DNAH7: variants seen among roughly 807,000 people sequenced by gnomAD.
The protein encoded by DNAH7 is axonemal beta dynein heavy chain 7.
DNAH7 carries 397 observed loss-of-function variants against 444.6 expected under a neutral mutation model. The ratio of observed to expected loss-of-function variants is 0.89; its 90% CI spans 0.82 to 0.97. The LOEUF (loss-of-function observed/expected upper bound fraction) is 0.97. Ranked by LOEUF, DNAH7 falls within the 50% of genes least tolerant of loss-of-function variation. The probability of loss-of-function intolerance (pLI) is 0.00; values close to 1 mark genes in which losing one functional copy is unlikely to be tolerated. For synonymous variants in DNAH7, 1,636 were observed against 1,624.4 expected, an observed-to-expected ratio of 1.01 and a Z score of -0.17; for missense variants, 4,902 against 4,800.8, an observed-to-expected ratio of 1.02 and a Z score of -0.62.
intron 19 of DNAH7, among the ~76,000 whole-genome samples, chr2:195,937,864 C>T (rs749752574): frequency 2.0e-5 from 3 of 152,030 alleles, no homozygotes; most frequent in African/African-American, 2.4e-5. Flanking sequence ...AGATTTCAAT[C>T]GCCAAGTAGC....
chr2:195,784,492 T>C (rs141025089), intron 58 of DNAH7, among the ~76,000 whole-genome samples: 4 of 152,342 alleles, frequency 2.6e-5, no homozygotes, highest in Admixed American at 1.3e-4. Context: ...AGTTTATCCA[T>C]TCACCTACTA....
chr2:195,955,239 A>C (rs932855136), intron 19 of DNAH7, among the ~76,000 whole-genome samples: 1 of 152,224 alleles, frequency 6.6e-6, no homozygotes, highest in Admixed American at 6.5e-5. Flanking sequence ...AGCTTTCTAC[A>C]TATGGCTAGC....
At chr2:195,810,282 A>T (rs1406594960) in intron 51 of DNAH7, among the ~76,000 whole-genome samples, 1 of 152,210 alleles carries the variant, frequency 6.6e-6, no homozygotes, top group African/African-American at 2.4e-5. Flanking sequence ...TCTTTATTAA[A>T]TTTAGTATTG....
At chr2:195,962,151 A>G (rs1369596962) in intron 17 of DNAH7, among the ~76,000 whole-genome samples, 2 of 152,270 alleles carry the variant, frequency 1.3e-5, no homozygotes, top group African/African-American at 4.8e-5. Context: ...AGCTAAATAC[A>G]TGGGTTACGA....
Position 195,872,372 on chromosome 2 carries a change from G to C in DNAH7, c.6511C>G (p.Pro2171Ala), listed in dbSNP as rs761445160. Residue 2171 changes from proline (P) to alanine (A), a missense_variant, in exon 40 of 65, where the codon CCA becomes GCA. Pro to Ala is a conservative substitution (Grantham distance 27, BLOSUM62 -1). Transcript: ENST00000312428. Reference protein sequence around the residue: ...KEAMKNLLPTPAKSHYLFNLR... With the variant: ...KEAMKNLLPTAAKSHYLFNLR... ...TTGAACAAGTAGTGAGATTTAGCTG[G>C]AGTAGGCAAGAGATTCTTCATTGCT... 1.2e-6 allele frequency: 2 copies of C among 1,613,790 alleles called. No homozygotes were observed. The highest frequency in any genetic ancestry group is 1.7e-5 in the Admixed American group (1 of 60,004).
chr2:195,827,746 T>C (rs1574505365), intron 48 of DNAH7, among the ~76,000 whole-genome samples: 1 of 134,130 alleles, frequency 7.5e-6, no homozygotes, highest in Non-Finnish European at 1.6e-5. Context: ...GCTCAGCTAA[T>C]TTTTTTTTTT....
At chr2:195,779,180 C>T (rs969454824) in intron 58 of DNAH7, among the ~76,000 whole-genome samples, 12 of 152,160 alleles carry the variant, frequency 7.9e-5, no homozygotes, top group Non-Finnish European at 1.5e-5. Context: ...TCCTATATGA[C>T]TTCTTTTACA....
intron 60 of DNAH7, among the ~76,000 whole-genome samples, chr2:195,773,671 G>C (rs1355207558): frequency 6.6e-6 from 1 of 151,934 alleles, no homozygotes; most frequent in Non-Finnish European, 1.5e-5. Context: ...ATAGCATCTG[G>C]AATCTTCTAA....
chr2:196,013,099 A>G (rs545656937), intron 9 of DNAH7, among the ~76,000 whole-genome samples, 193 bp from the exon 10 acceptor site: 1 of 152,302 alleles, frequency 6.6e-6, no homozygotes, highest in South Asian at 2.1e-4. Flanking sequence ...ATTCAATAGG[A>G]ACACAACAAA....
chr2:195,818,136 G>T (rs756097855), intron 49 of DNAH7, among the ~76,000 whole-genome samples: 17 of 152,142 alleles, frequency 1.1e-4, no homozygotes, highest in Non-Finnish European at 2.2e-4. Context: ...ATTAGAATCA[G>T]GTTGGAAGCT....
At chr2:195,872,546 G>A (rs1700780757) in intron 39 of DNAH7, 77 bp from the exon 40 acceptor site, 2 of 894,794 alleles carry the variant, frequency 2.2e-6, no homozygotes, top group East Asian at 2.9e-5. Context: ...ATATTTAGCA[G>A]GACCAACATA....
intron 17 of DNAH7, among the ~76,000 whole-genome samples, chr2:195,968,000 C>T (rs986272142): frequency 4.6e-5 from 7 of 152,216 alleles, no homozygotes; most frequent in African/African-American, 7.2e-5. Flanking sequence ...CCACCACTGG[C>T]CCATGGGCAG....
At chr2:196,047,071 T>A (rs963806255) in intron 5 of DNAH7, among the ~76,000 whole-genome samples, 12 of 152,122 alleles carry the variant, frequency 7.9e-5, no homozygotes, top group African/African-American at 2.9e-4. Context: ...AAAAACCTGC[T>A]AGAATCCTCC....
rs1311663737 is a variant in DNAH7 at position 196,051,252 on chromosome 2, G to A, written c.79-3C>T. ...TTTTCTTTGCTGGCTAATTTCTCCT[G>A]TGTGAAAAATATGAAGGGGAAAAAA... On this transcript the variant is annotated splice_region_variant and splice_polypyrimidine_tract_variant and intron_variant, in intron 2 of 64. Coordinates refer to ENST00000312428, the MANE Select transcript of DNAH7 (RefSeq NM_018897.3). 6.2e-7 allele frequency: 1 copy of A among 1,613,284 alleles called. No individual in the cohort carries two copies. The highest frequency in any genetic ancestry group is 1.3e-5 in the African/African-American group (1 of 75,016).
chr2:196,007,961 C>A (rs1559329569), intron 10 of DNAH7, among the ~76,000 whole-genome samples: 1 of 152,038 alleles, frequency 6.6e-6, no homozygotes, highest in Non-Finnish European at 1.5e-5. Context: ...AATATTTGTG[C>A]TTCAAAGGAT....
chr2:195,766,718 T>C (rs1694603701), intron 61 of DNAH7, among the ~76,000 whole-genome samples: 1 of 152,168 alleles, frequency 6.6e-6, no homozygotes, highest in African/African-American at 2.4e-5. Flanking sequence ...AAAGGATCCA[T>C]GTTTGAGGTG....
Position 195,972,355 on chromosome 2 carries a change from C to T in DNAH7, c.1945G>A (p.Asp649Asn). 1 of 1,614,100 alleles carries T rather than the reference C, an allele frequency of 6.2e-7. No homozygotes were observed. The highest frequency in any genetic ancestry group is 8.5e-7 in the Non-Finnish European group (1 of 1,180,014). ...AAAACACTATTATTTAGCCTCATGT[C>T]TGCTGGAGAAAAGTTGACATACTCG... ...LIEYVNFSPA[D>N]MRLNNSVFQW... Residue 649 changes from aspartate (D) to asparagine (N), a missense_variant, in exon 16 of 65, where the codon GAC (aspartate) becomes AAC (asparagine). Physicochemically the swap from Asp to Asn is conservative, Grantham distance 23 (BLOSUM62 1). Coordinates refer to ENST00000312428, the MANE Select transcript of DNAH7 (RefSeq NM_018897.3).
intron 53 of DNAH7, among the ~76,000 whole-genome samples, chr2:195,807,996 ACT>A: frequency 6.6e-6 from 1 of 152,134 alleles, no homozygotes; most frequent in East Asian, 1.9e-4. Flanking sequence ...AACAAAACAT[ACT>A]CTCTGCATAT....
intron 10 of DNAH7, 51 bp from the exon 11 acceptor site, chr2:196,001,909 C>A: frequency 6.9e-7 from 1 of 1,444,580 alleles, no homozygotes; most frequent in Non-Finnish European, 9.4e-7. Flanking sequence ...TGAATTACTC[C>A]TTTTATATTA....
Sources: gnomAD v4.1 joint callset for allele counts (sites outside exome capture counted in the v4.1 genomes callset) on GRCh38, gnomAD v4.1.1 for gene constraint, MANE v1.5 for transcripts, NCBI Gene and HGNC (gene_info 2026-07-23, HGNC 2026-07-21) for gene names.